The following GPR107 variants were observed in gnomAD, a reference collection of about 807,000 sequenced individuals.
The protein encoded by GPR107 is G protein-coupled receptor 107.
A neutral mutation model predicts 75.5 loss-of-function variants in GPR107; 31 were observed. The observed-to-expected ratio is 0.41, with a 90% CI of 0.31 to 0.55. GPR107 has a LOEUF of 0.55. Among genes scored for constraint, GPR107 ranks in the 20% least tolerant of loss-of-function variants. GPR107 has a pLI of 0.26. For missense variants in GPR107, 572 were observed against 665.7 expected (o/e 0.86, Z 1.55); for synonymous variants, 267 against 251.3 (o/e 1.06, Z -0.59).
intron 17 of GPR107, among the ~76,000 whole-genome samples, chr9:130,133,440 G>A (rs578021654): frequency 7.9e-5 from 12 of 152,216 alleles, no homozygotes; most frequent in African/African-American, 1.4e-4. Flanking sequence ...TCTGGAAGAC[G>A]TGGGGTCGCA....
intron 14 of GPR107, among the ~76,000 whole-genome samples, chr9:130,109,632 C>T (rs993604245): frequency 6.8e-6 from 1 of 147,736 alleles, no homozygotes; most frequent in Non-Finnish European, 1.5e-5. Flanking sequence ...TGCAGTGATG[C>T]GATCTCAGCT....
At chr9:130,065,968 T>A (rs1830058846) in intron 1 of GPR107, among the ~76,000 whole-genome samples, 1 of 103,690 alleles carries the variant, frequency 9.6e-6, no homozygotes, top group Admixed American at 1.0e-4. Flanking sequence ...GGGATGCATT[T>A]ATTCACTCCC....
At chr9:130,075,388 G>T (rs768903090) in intron 1 of GPR107, among the ~76,000 whole-genome samples, 3 of 151,664 alleles carry the variant, frequency 2.0e-5, no homozygotes, top group Non-Finnish European at 4.4e-5. Flanking sequence ...GGGATTACAG[G>T]TGCCCGCCAC....
At chr9:130,070,389 C>T (rs2900290) in intron 1 of GPR107, among the ~76,000 whole-genome samples, 136,928 of 152,122 alleles carry the variant, frequency 0.9, 62,163 homozygotes, top group East Asian at 0.97. Context: ...CTATAAGCTC[C>T]GCCTCCCAGG....
intron 11 of GPR107, 25 bp downstream of exon 11, chr9:130,100,727 TA>T: frequency 6.5e-7 from 1 of 1,526,738 alleles, no homozygotes; most frequent in Non-Finnish European, 9.1e-7. Flanking sequence ...CCATGTGAAA[TA>T]CACCATGAAA....
intron 1 of GPR107, among the ~76,000 whole-genome samples, chr9:130,066,257 C>T (rs1589483130): frequency 6.6e-6 from 1 of 152,128 alleles, no homozygotes; most frequent in South Asian, 2.1e-4. Flanking sequence ...TGAAATTGCG[C>T]CACTGCACTC....
At chr9:130,133,872 A>G (rs1831889698) in intron 17 of GPR107, among the ~76,000 whole-genome samples, 1 of 152,136 alleles carries the variant, frequency 6.6e-6, no homozygotes, top group African/African-American at 2.4e-5. Context: ...AAGAATGAAG[A>G]GATGAAGAAG....
chr9:130,054,066 C>T lies in GPR107; in HGVS notation c.134C>T (p.Ala45Val). ...GGCCTGGGCCGCGTCCATCACCTGGCACTCAAGGTAAAGCTTGGCAAGGCC... is the reference window on the plus strand; with the variant it reads ...GGCCTGGGCCGCGTCCATCACCTGGTACTCAAGGTAAAGCTTGGCAAGGCC... ...EPGLGRVHHL[A>V]LKDDVRHKVH... The change falls in exon 1 of 18, where the codon GCA (alanine) becomes GTA (valine). Residue 45 changes from alanine (A) to valine (V), a missense_variant. By Grantham distance (64) the Ala-to-Val change is moderately conservative. Transcript: ENST00000347136. 1 of 1,551,058 alleles carries T rather than the reference C, an allele frequency of 6.4e-7. No homozygotes were observed.
In GPR107 at chr9:130,099,618, A is replaced by G. The variant is rs1410176441; in HGVS notation, c.939+86A>G. Reference sequence around the variant, plus strand: ...CAAAAGAAATTTGAAGAAAGGGGATAGATTGGTGGGAAACAAAGACAAAGA... The same window carrying G: ...CAAAAGAAATTTGAAGAAAGGGGATGGATTGGTGGGAAACAAAGACAAAGA... On this transcript the variant is annotated intron_variant, in intron 10 of 17. Coordinates refer to ENST00000347136, the MANE Select transcript of GPR107 (RefSeq NM_020960.5). The G allele has an allele frequency of 5.2e-6, 4 of 767,740 alleles. No homozygotes were observed. The East Asian group carries it at 7.4e-5, about 14-fold the overall frequency. 47.6% of individuals were successfully genotyped at this position (767,740 alleles called of 1,614,324 possible).
Position 130,060,254 on chromosome 9 carries a change from G to A in GPR107, c.141+6181G>A, listed in dbSNP as rs548097670. Among the ~76,000 whole-genome samples, 133 of 151,626 alleles carry A rather than the reference G, an allele frequency of 8.8e-4. 1 individual carries two copies. Among genetic ancestry groups the A allele is most frequent in the African/African-American group, 3.1e-3 (128 of 41,338 alleles). The stretch of plus-strand genomic sequence containing the variant: ...ATTTTTGTATTTTTATTAGAGATGG[G>A]GTTTTGCCCTGTTGACCGGGCTGGT... On this transcript the variant is annotated intron_variant, in intron 1 of 17. Transcript: ENST00000347136.
At chr9:130,096,893 A>G (rs896672124) in intron 9 of GPR107, among the ~76,000 whole-genome samples, 2 of 152,350 alleles carry the variant, frequency 1.3e-5, no homozygotes, top group South Asian at 4.1e-4. Context: ...CGATCTAGCC[A>G]TGTGGCTGAG....
At position 130,138,164 on chromosome 9, in the gene GPR107, G is replaced by A. The variant is rs1338110473; in HGVS notation, c.*3043G>A. On this transcript the variant is annotated 3_prime_UTR_variant, in exon 18 of 18. Coordinates refer to ENST00000347136, the MANE Select transcript of GPR107 (RefSeq NM_020960.5). The stretch of plus-strand genomic sequence containing the variant: ...TTTTGTAATGTTGAATATGACTCTA[G>A]TGACTTGTAGGAGGCACTTGTGAGG... 6.6e-6 allele frequency: 1 copy of A among 152,180 alleles called. No individual in the cohort carries two copies. Among genetic ancestry groups the A allele is most frequent in the Non-Finnish European group, 1.5e-5 (1 of 68,034 alleles). The allele number at this position is 152,180 out of a possible 1,614,324, so 9.4% of individuals were successfully genotyped here. A position where few individuals can be genotyped will look rare whatever the true frequency, so the allele number is the denominator to read the frequency against.
intron 15 of GPR107, among the ~76,000 whole-genome samples, chr9:130,125,378 G>A (rs1831650030): frequency 6.7e-6 from 1 of 150,352 alleles, no homozygotes; most frequent in African/African-American, 2.4e-5. Context: ...ACTGCGCCTG[G>A]CCAGTGTGGC....
chr9:130,093,604 C>T (rs745819532), intron 9 of GPR107, among the ~76,000 whole-genome samples: 45 of 152,180 alleles, frequency 3.0e-4, no homozygotes, highest in Admixed American at 8.5e-4. Flanking sequence ...TGTACACCCA[C>T]CAGATAGAAA....
intron 9 of GPR107, among the ~76,000 whole-genome samples, chr9:130,092,614 T>C (rs1464095151): frequency 2.8e-5 from 3 of 106,164 alleles, no homozygotes; most frequent in African/African-American, 1.2e-4. Flanking sequence ...ATCTAAATTA[T>C]TATAATTTTT....
At chr9:130,099,428 C>T (rs1429934811) in intron 9 of GPR107, 29 bp from the exon 10 acceptor site, 2 of 1,308,348 alleles carry the variant, frequency 1.5e-6, no homozygotes, top group African/African-American at 1.4e-5. Context: ...TGGAATCTTC[C>T]TTTAATTGTT....
chr9:130,089,498 G>T (rs1448547239), intron 7 of GPR107, among the ~76,000 whole-genome samples: 1 of 152,114 alleles, frequency 6.6e-6, no homozygotes, highest in African/African-American at 2.4e-5. Context: ...TCATGGCGTG[G>T]GGATAGTGGT....
At chr9:130,068,751 A>T (rs10760656) in intron 1 of GPR107, among the ~76,000 whole-genome samples, 137,396 of 149,100 alleles carry the variant, frequency 0.92, 63,821 homozygotes, top group East Asian at 1. Flanking sequence ...CCTCTTTTTT[A>T]TTTTTTTTGA....
intron 7 of GPR107, 59 bp downstream of exon 7, chr9:130,086,535 A>G (rs1830620256): frequency 1.0e-6 from 1 of 969,546 alleles, no homozygotes; most frequent in Admixed American, 1.9e-5. Flanking sequence ...TAAAAGGGTA[A>G]TTTTTTTTTA....
Sources: gnomAD v4.1 joint callset for allele counts (sites outside exome capture counted in the v4.1 genomes callset) on GRCh38, gnomAD v4.1.1 for gene constraint, MANE v1.5 for transcripts, NCBI Gene and HGNC (gene_info 2026-07-23, HGNC 2026-07-21) for gene names.